Variants in SKP1 observed in about 807,000 individuals in gnomAD.
The protein encoded by SKP1 is S-phase kinase-associated protein 1.
A neutral mutation model predicts 21.5 loss-of-function variants in SKP1; 1 was observed. The ratio of observed to expected loss-of-function variants is 0.05; its 90% CI spans 0.02 to 0.22. The LOEUF is 0.22. SKP1 is among the 10% of genes least tolerant of loss of function. The pLI is 1.00. For missense variants in SKP1, 70 were observed against 192.0 expected (o/e 0.36, Z 3.76); for synonymous variants, 59 against 59.3 (o/e 0.99, Z 0.03).
At position 134,157,619 on chromosome 5, in the gene SKP1, T is replaced by G. The variant is rs565934423; in HGVS notation, c.*114A>C. On this transcript the variant is annotated 3_prime_UTR_variant, in exon 6 of 6. Coordinates refer to ENST00000353411, the MANE Select transcript of SKP1 (RefSeq NM_170679.3). ...TGAGGACAATATTCTGCTAATACAA[T>G]TGACTTGCTGCTGCATTTGTCTACT... 1 of 917,784 alleles carries G rather than the reference T, an allele frequency of 1.1e-6. No homozygotes were observed. The highest frequency in any genetic ancestry group is 1.8e-6 in the Non-Finnish European group (1 of 551,618). The allele number at this position is 917,784 out of a possible 1,614,324, so 56.9% of individuals were successfully genotyped here. A position where few individuals can be genotyped will look rare whatever the true frequency, so the allele number is the denominator to read the frequency against.
In SKP1 at chr5:134,176,894, G is replaced by C. The variant is rs990654207; in HGVS notation, c.-40C>G. ...AGGAGACGGCCGGCGGGAGGCTGAC[G>C]AGAGCCGGGAGGCGTTAGCGAAGGA... On this transcript the variant is annotated 5_prime_UTR_variant, in exon 1 of 6. Transcript: ENST00000353411. 6.5e-6 allele frequency: 1 copy of C among 153,094 alleles called. No homozygotes were observed. Among genetic ancestry groups the C allele is most frequent in the Non-Finnish European group, 1.5e-5 (1 of 68,236 alleles). The allele number at this position is 153,094 out of a possible 1,614,324, so 9.5% of individuals were successfully genotyped here.
In SKP1 at chr5:134,149,201, A is replaced by C. The variant is rs1031910944; in HGVS notation, c.*8532T>G. On this transcript the variant is annotated 3_prime_UTR_variant, in exon 6 of 6. Coordinates refer to ENST00000353411, the MANE Select transcript of SKP1 (RefSeq NM_170679.3). The stretch of plus-strand genomic sequence containing the variant: ...CACGTAAGTAGTGTACATTGTACTC[A>C]ACAGGTAGGATTTCATACCTCATCC... The C allele has an allele frequency of 6.6e-6, 1 of 152,254 alleles. No individual in the cohort carries two copies. Among genetic ancestry groups the C allele is most frequent in the Admixed American group, 6.5e-5 (1 of 15,284 alleles). 9.4% of individuals were successfully genotyped at this position (152,254 alleles called of 1,614,324 possible). A position where few individuals can be genotyped will look rare whatever the true frequency, so the allele number is the denominator to read the frequency against.
intron 2 of SKP1, chr5:134,171,011 C>T (rs1761428762): frequency 2.2e-6 from 1 of 456,142 alleles, no homozygotes; most frequent in Admixed American, 2.4e-5. Flanking sequence ...ACATACTCTT[C>T]ATTCAATAGG....
intron 2 of SKP1, 116 bp from the exon 3 acceptor site, chr5:134,167,359 G>A: frequency 2.9e-6 from 2 of 678,700 alleles, no homozygotes; most frequent in Non-Finnish European, 5.3e-6. Flanking sequence ...CTACATCTGT[G>A]GATTCAACCA....
In SKP1 at chr5:134,150,737, A is replaced by G. The variant is rs1019414935; in HGVS notation, c.*6996T>C. The G allele has an allele frequency of 6.6e-6, 1 of 152,202 alleles. No homozygotes were observed. The highest frequency in any genetic ancestry group is 2.1e-4 in the South Asian group (1 of 4,830). The allele number at this position is 152,202 out of a possible 1,614,324, so 9.4% of individuals were successfully genotyped here. ...ACTCCCCCAATCCCAACTTATTGTG[A>G]TAACCTTGTTCCAAATCTCAAATCA... On this transcript the variant is annotated 3_prime_UTR_variant, in exon 6 of 6. Coordinates refer to ENST00000353411, the MANE Select transcript of SKP1 (RefSeq NM_170679.3).
At chr5:134,164,640 T>C (rs1190204631) in intron 3 of SKP1, among the ~76,000 whole-genome samples, 5 of 152,160 alleles carry the variant, frequency 3.3e-5, no homozygotes, top group Non-Finnish European at 7.3e-5. Context: ...TTTTCATTAG[T>C]ATAAAATAGA....
rs916273149 is a variant in SKP1, at chr5:134,150,288, G to A, written c.*7445C>T. The A allele has an allele frequency of 2.0e-5, 3 of 152,144 alleles. No homozygotes were observed. Among genetic ancestry groups the A allele is most frequent in the Non-Finnish European group, 2.9e-5 (2 of 68,056 alleles). The allele number at this position is 152,144 out of a possible 1,614,324, so 9.4% of individuals were successfully genotyped here. ...CTCCTGTGGTCTCCCATTCCTTCTGGCTGTGGACCCCTAACAGCTAGCTCA... is the reference window on the plus strand; with the variant it reads ...CTCCTGTGGTCTCCCATTCCTTCTGACTGTGGACCCCTAACAGCTAGCTCA... On this transcript the variant is annotated 3_prime_UTR_variant, in exon 6 of 6. Coordinates refer to ENST00000353411, the MANE Select transcript of SKP1 (RefSeq NM_170679.3).
chr5:134,157,513 CAAAGAAA>C lies in SKP1; in HGVS notation c.*213_*219del, dbSNP rs1394685037. The C allele has an allele frequency of 1.9e-6, 1 of 519,786 alleles. No homozygotes were observed. The highest frequency in any genetic ancestry group is 3.4e-6 in the Non-Finnish European group (1 of 290,268). The allele number at this position is 519,786 out of a possible 1,614,324, so 32.2% of individuals were successfully genotyped here. ...ACCCACAGTTCAGTTTTATTCAGAG[CAAAGAAA>C]AAAGAAACTTTCCATCATACTAGAA... On this transcript the variant is annotated 3_prime_UTR_variant, in exon 6 of 6. Coordinates refer to ENST00000353411, the MANE Select transcript of SKP1 (RefSeq NM_170679.3).
rs1481013285 is a variant in SKP1, at chr5:134,151,133, T to A, written c.*6600A>T. 2 of 152,358 alleles carry A rather than the reference T, an allele frequency of 1.3e-5. No individual in the cohort carries two copies. Among genetic ancestry groups the A allele is most frequent in the South Asian group, 2.1e-4 (1 of 4,848 alleles). 9.4% of individuals were successfully genotyped at this position (152,358 alleles called of 1,614,324 possible). A position where few individuals can be genotyped will look rare whatever the true frequency, so the allele number is the denominator to read the frequency against. On this transcript the variant is annotated 3_prime_UTR_variant, in exon 6 of 6. Transcript: ENST00000353411. ...CAGCTGTGAATTATGCGGGAGATAGTCCAGGCCAATACTTCTTTCATATTC... is the reference window on the plus strand; with the variant it reads ...CAGCTGTGAATTATGCGGGAGATAGACCAGGCCAATACTTCTTTCATATTC...
At chr5:134,163,767 G>C (rs1192972964) in intron 3 of SKP1, among the ~76,000 whole-genome samples, 1 of 152,016 alleles carries the variant, frequency 6.6e-6, no homozygotes, top group Non-Finnish European at 1.5e-5. Flanking sequence ...TCCAGCCCAG[G>C]CAACACAGTG....
chr5:134,160,532 C>T (rs943055977), intron 4 of SKP1, among the ~76,000 whole-genome samples: 5 of 152,180 alleles, frequency 3.3e-5, no homozygotes, highest in Non-Finnish European at 5.9e-5. Flanking sequence ...TGTTTCACTT[C>T]TTGGAAGTTC....
intron 3 of SKP1, among the ~76,000 whole-genome samples, chr5:134,165,641 C>T (rs978620173): frequency 1.4e-5 from 2 of 146,090 alleles, no homozygotes; most frequent in South Asian, 2.2e-4. Context: ...AATCCCAGCA[C>T]TTTGGGAGGC....
At chr5:134,174,045 A>T (rs3815506) in intron 1 of SKP1, 23 bp from the exon 2 acceptor site, 1 of 1,411,182 alleles carries the variant, frequency 7.1e-7, no homozygotes, top group Non-Finnish European at 1.0e-6. Flanking sequence ...GACATTAAAT[A>T]TAAAATTTAA....
At chr5:134,158,112 T>C in intron 5 of SKP1, 1 of 1,401,912 alleles carries the variant, frequency 7.1e-7, no homozygotes, top group East Asian at 3.1e-5. Flanking sequence ...TAAGTTGCTC[T>C]AAAGTACCCT....
At chr5:134,165,023 C>A (rs1367415559) in intron 3 of SKP1, among the ~76,000 whole-genome samples, 5 of 131,242 alleles carry the variant, frequency 3.8e-5, no homozygotes, top group African/African-American at 6.0e-5. Flanking sequence ...GTTTACCTAG[C>A]GTAATTTTTT....
intron 4 of SKP1, among the ~76,000 whole-genome samples, chr5:134,160,032 G>C (rs1381373881): frequency 2.6e-5 from 4 of 151,774 alleles, no homozygotes. Flanking sequence ...ATATACACTT[G>C]AAAAGAATAT....
chr5:134,158,092 C>T (rs1761151568), intron 5 of SKP1: 2 of 1,419,582 alleles, frequency 1.4e-6, no homozygotes, highest in East Asian at 3.1e-5. Flanking sequence ...CTTTCATTTC[C>T]TCCCCTCATT....
rs139317752 is a variant in SKP1, at chr5:134,158,426, G to A, written c.456+29C>T. ...TGTTACTCCCTTTTTAAGAGCATGT[G>A]ATCAAAGACAAAACTGTGTGCTACC... On this transcript the variant is annotated intron_variant, in intron 5 of 5. Transcript: ENST00000353411. 3.0e-5 allele frequency: 48 copies of A among 1,613,796 alleles called. No homozygotes were observed. The African/African-American group carries it at 6.0e-4, about 20-fold the overall frequency.
intron 3 of SKP1, among the ~76,000 whole-genome samples, chr5:134,165,408 G>A (rs1761309595): frequency 6.6e-6 from 1 of 151,936 alleles, no homozygotes; most frequent in South Asian, 2.1e-4. Context: ...TGGCCAACAT[G>A]GTGAAACCCT....
Sources: gnomAD v4.1 joint callset for allele counts (sites outside exome capture counted in the v4.1 genomes callset) on GRCh38, gnomAD v4.1.1 for gene constraint, MANE v1.5 for transcripts, NCBI Gene and HGNC (gene_info 2026-07-23, HGNC 2026-07-21) for gene names.